SEPTIN14: variants seen among roughly 807,000 people sequenced by gnomAD.
The protein encoded by SEPTIN14 is septin-14.
SEPTIN14 carries 40 observed loss-of-function variants against 53.6 expected under a neutral mutation model. The observed-to-expected ratio is 0.75, with a 90% CI of 0.58 to 0.97. The LOEUF is 0.97. SEPTIN14 is among the 50% of genes least tolerant of loss of function. SEPTIN14 has a pLI of 0.00. For synonymous variants in SEPTIN14, 138 were observed against 166.8 expected (o/e 0.83, Z 1.33); for missense variants, 471 against 508.2 (o/e 0.93, Z 0.70).
intron 2 of SEPTIN14, among the ~76,000 whole-genome samples, chr7:55,852,302 A>G (rs1789532277): frequency 6.6e-6 from 1 of 152,212 alleles, no homozygotes; most frequent in Admixed American, 6.6e-5. Flanking sequence ...ACAGAACTAC[A>G]ATAACCAAAA....
At chr7:55,846,058 A>T in intron 3 of SEPTIN14, among the ~76,000 whole-genome samples, 1 of 12,518 alleles carries the variant, frequency 8.0e-5, no homozygotes, top group East Asian at 1.5e-3. Context: ...CAGAAAAAAA[A>T]AAAAAAGTAT....
At chr7:55,820,561 G>T (rs1788874763) in intron 6 of SEPTIN14, among the ~76,000 whole-genome samples, 1 of 152,182 alleles carries the variant, frequency 6.6e-6, no homozygotes, top group Non-Finnish European at 1.5e-5. Flanking sequence ...AACAGTCTCA[G>T]GGAAGATGAG....
intron 9 of SEPTIN14, 144 bp downstream of exon 9, chr7:55,805,113 AT>A (rs1788591340): frequency 1.6e-6 from 1 of 631,136 alleles, no homozygotes; most frequent in South Asian, 2.1e-5. Context: ...TAAAGGCTAT[AT>A]TCAAGTCTAC....
chr7:55,807,562 A>G (rs1357542804), intron 7 of SEPTIN14, among the ~76,000 whole-genome samples: 2 of 152,180 alleles, frequency 1.3e-5, no homozygotes, highest in Non-Finnish European at 2.9e-5. Context: ...ACAATTGTGT[A>G]GTATGTTATA....
At chr7:55,837,405 C>T (rs1789231893) in intron 5 of SEPTIN14, among the ~76,000 whole-genome samples, 1 of 152,042 alleles carries the variant, frequency 6.6e-6, no homozygotes, top group South Asian at 2.1e-4. Context: ...GCGTGAGCCA[C>T]CATGTCTGGC....
intron 2 of SEPTIN14, among the ~76,000 whole-genome samples, chr7:55,849,814 T>C (rs1789488781): frequency 6.6e-6 from 1 of 152,094 alleles, no homozygotes; most frequent in African/African-American, 2.4e-5. Context: ...AGTGGGAGAA[T>C]ATTACTACAG....
At chr7:55,835,498 G>T (rs1050489605) in intron 5 of SEPTIN14, among the ~76,000 whole-genome samples, 1 of 152,188 alleles carries the variant, frequency 6.6e-6, no homozygotes, top group South Asian at 2.1e-4. Flanking sequence ...CACCGTGCCT[G>T]GTCTATTTAA....
rs186681283 is a variant in SEPTIN14 at position 55,818,330 on chromosome 7, G to A, written c.817+797C>T. Among the ~76,000 whole-genome samples the A allele has an allele frequency of 1.4e-3, 218 of 151,930 alleles. 2 individuals are homozygous for A. The highest frequency in any genetic ancestry group is 0.01 in the Middle Eastern group (3 of 294). ...CTACTAAAAATACAAAAATTAGCCCGGTGTGGCGGCAAGCGCATGTAATCC... is the reference window on the plus strand; with the variant it reads ...CTACTAAAAATACAAAAATTAGCCCAGTGTGGCGGCAAGCGCATGTAATCC... On this transcript the variant is annotated intron_variant, in intron 7 of 9. Transcript: ENST00000388975.
chr7:55,823,616 C>T (rs1423581907), intron 6 of SEPTIN14, among the ~76,000 whole-genome samples: 3 of 152,098 alleles, frequency 2.0e-5, no homozygotes, highest in Non-Finnish European at 4.4e-5. Context: ...AGGTAGCGCG[C>T]CCAAGCAAGG....
intron 7 of SEPTIN14, among the ~76,000 whole-genome samples, chr7:55,816,183 T>G (rs1788787049): frequency 6.6e-6 from 1 of 152,072 alleles, no homozygotes; most frequent in African/African-American, 2.4e-5. Context: ...AGTGGAATGT[T>G]GATTACCAGA....
chr7:55,831,043 C>T (rs1189224705), intron 6 of SEPTIN14, among the ~76,000 whole-genome samples: 1 of 151,920 alleles, frequency 6.6e-6, no homozygotes, highest in Non-Finnish European at 1.5e-5. Flanking sequence ...ATCATTTTTT[C>T]ACAGAATTAG....
chr7:55,843,266 A>G (rs547511778), intron 4 of SEPTIN14, 138 bp from the exon 5 acceptor site: 2 of 508,540 alleles, frequency 3.9e-6, no homozygotes, highest in South Asian at 7.0e-5. Context: ...ATGTCCATAC[A>G]AAGATATTAA....
At chr7:55,800,197 T>TA (rs1788502890) in intron 9 of SEPTIN14, among the ~76,000 whole-genome samples, 1 of 152,032 alleles carries the variant, frequency 6.6e-6, no homozygotes, top group Admixed American at 6.6e-5. Context: ...TATTCAGCCA[T>TA]AAAAAAGAAT....
chr7:55,847,638 A>G (rs1303093708), intron 2 of SEPTIN14, among the ~76,000 whole-genome samples: 19 of 152,204 alleles, frequency 1.2e-4, no homozygotes, highest in Admixed American at 1.2e-3. Flanking sequence ...GCACTATTAT[A>G]GAGTCAACAA....
chr7:55,830,334 TA>T (rs1311199653), intron 6 of SEPTIN14, among the ~76,000 whole-genome samples: 4 of 34,394 alleles, frequency 1.2e-4, no homozygotes, highest in African/African-American at 4.4e-4. Flanking sequence ...TATATATATA[TA>T]TATATATATA....
intron 2 of SEPTIN14, among the ~76,000 whole-genome samples, chr7:55,854,150 A>C (rs910032028): frequency 6.6e-6 from 1 of 152,038 alleles, no homozygotes; most frequent in Non-Finnish European, 1.5e-5. Flanking sequence ...ATCAATAAAC[A>C]TATTTCACCA....
Position 55,848,764 on chromosome 7 carries a change from C to T in SEPTIN14, c.55-2127G>A, listed in dbSNP as rs554452391. ...CTGGGACTACAGGCACCTGCCACTACGCCCGGCTAATTTTTTGTATTTTTA... is the reference window on the plus strand; with the variant it reads ...CTGGGACTACAGGCACCTGCCACTATGCCCGGCTAATTTTTTGTATTTTTA... On this transcript the variant is annotated intron_variant, in intron 2 of 9. Coordinates refer to ENST00000388975, the MANE Select transcript of SEPTIN14 (RefSeq NM_207366.3). Among the ~76,000 whole-genome samples, 426 of 151,704 alleles carry T rather than the reference C, an allele frequency of 2.8e-3. 5 individuals carry two copies. Among genetic ancestry groups the T allele is most frequent in the Middle Eastern group, 0.01 (3 of 292 alleles).
chr7:55,848,561 G>T (rs987673533), intron 2 of SEPTIN14, among the ~76,000 whole-genome samples: 1 of 151,816 alleles, frequency 6.6e-6, no homozygotes, highest in Non-Finnish European at 1.5e-5. Context: ...CCTCCAAAGG[G>T]CTGGGATTAC....
At chr7:55,857,688 C>T (rs1465742075) in intron 2 of SEPTIN14, among the ~76,000 whole-genome samples, 3 of 145,644 alleles carry the variant, frequency 2.1e-5, no homozygotes, top group Non-Finnish European at 3.0e-5. Context: ...CCCGGGTTCA[C>T]GCCATTCTCC....
Sources: gnomAD v4.1 joint callset for allele counts (sites outside exome capture counted in the v4.1 genomes callset) on GRCh38, gnomAD v4.1.1 for gene constraint, MANE v1.5 for transcripts, NCBI Gene and HGNC (gene_info 2026-07-23, HGNC 2026-07-21) for gene names.